Variants in TNFRSF10A observed in about 807,000 individuals in gnomAD.
TNFRSF10A encodes TNF receptor superfamily member 10a, also known as tumor necrosis factor receptor superfamily member 10A.
Under a neutral mutation model 42.8 loss-of-function variants are expected in TNFRSF10A, and 44 were observed. The observed-to-expected ratio is 1.03, with a 90% confidence interval of 0.81 to 1.32. TNFRSF10A has a LOEUF of 1.32. Ranked by LOEUF, TNFRSF10A falls within the 40% of genes most tolerant of loss-of-function variation. TNFRSF10A has a pLI of 0.00. For missense variants in TNFRSF10A, 680 were observed against 602.0 expected, an observed-to-expected ratio of 1.13 and a Z score of -1.36; for synonymous variants, 259 against 234.2, an observed-to-expected ratio of 1.11 and a Z score of -0.97.
chr8:23,210,337 G>A (rs1017213722), intron 2 of TNFRSF10A, among the ~76,000 whole-genome samples: 1 of 152,052 alleles, frequency 6.6e-6, no homozygotes, highest in Non-Finnish European at 1.5e-5. Flanking sequence ...TATGAATATT[G>A]TTGCAAAAAT....
chr8:23,199,881 C>T lies in TNFRSF10A; in HGVS notation c.831+5G>A. ...TGCCCCCAGCTCCTGGAGAAATCAA[C>T]TCACCCTGTCCATGCACTTGGGGTC... is the stretch of plus-strand genomic sequence containing the variant. On this transcript the variant is annotated splice_donor_5th_base_variant and intron_variant, in intron 7 of 9. Transcript: ENST00000221132. The T allele has an allele frequency of 6.2e-7, 1 of 1,614,180 alleles. No individual in the cohort carries two copies. The highest frequency in any genetic ancestry group is 8.5e-7 in the Non-Finnish European group (1 of 1,180,016).
intron 2 of TNFRSF10A, among the ~76,000 whole-genome samples, chr8:23,210,987 A>G (rs1479043641): frequency 1.3e-5 from 2 of 152,220 alleles, no homozygotes; most frequent in Non-Finnish European, 2.9e-5. Flanking sequence ...AACAACTGAA[A>G]GATGTTCTCC....
At position 23,224,900 on chromosome 8, in the gene TNFRSF10A, C is replaced by A; in HGVS notation, c.162G>T (p.Ala54=). 6.3e-7 allele frequency: 1 copy of A among 1,593,528 alleles called. No individual in the cohort carries two copies. The highest frequency in any genetic ancestry group is 1.3e-5 in the African/African-American group (1 of 74,520). Residue 54 remains alanine (A), a synonymous_variant, in exon 1 of 10, where the codon GCG becomes GCT. Transcript: ENST00000221132. ...RIEPRGGGRG[A]LPTSMGQHGP... ...CGTGCTGTCCCATGGAGGTAGGGAG[C>A]GCTCCTCGGCCCCCGCCTCGTGGTT...
At chr8:23,195,091 G>A (rs1284595338) in intron 9 of TNFRSF10A, among the ~76,000 whole-genome samples, 2 of 152,208 alleles carry the variant, frequency 1.3e-5, no homozygotes. Context: ...CCCAGGAGGT[G>A]GAGGTTGCAG....
At chr8:23,216,027 C>T (rs7821298) in intron 1 of TNFRSF10A, among the ~76,000 whole-genome samples, 37,094 of 151,710 alleles carry the variant, frequency 0.24, 5,020 homozygotes, top group East Asian at 0.64. Flanking sequence ...CATGTTGGTC[C>T]GGCTGGTCTC....
At position 23,191,839 on chromosome 8, in the gene TNFRSF10A, C is replaced by T. The variant is rs769671166; in HGVS notation, c.1262G>A (p.Arg421Gln). The change falls in exon 10 of 10, where the codon CGG becomes CAG. Residue 421 changes from arginine to glutamine, a missense_variant. By Grantham distance (43) the Arg-to-Gln change is conservative. Coordinates refer to ENST00000221132, the MANE Select transcript of TNFRSF10A (RefSeq NM_003844.4). ...MLMKWVNKTG[R>Q]NASIHTLLDA... The stretch of plus-strand genomic sequence containing the variant: ...CAGCAGGGTGTGGATCGAGGCGTTC[C>T]GTCCAGTTTTGTTGACCCATTTCAT... 42 of 1,568,676 alleles carry T rather than the reference C, an allele frequency of 2.7e-5. No individual in the cohort carries two copies. The highest frequency in any genetic ancestry group is 1.8e-4 in the African/African-American group (12 of 66,276).
At chr8:23,223,961 A>C (rs1313046799) in intron 1 of TNFRSF10A, among the ~76,000 whole-genome samples, 2 of 152,330 alleles carry the variant, frequency 1.3e-5, no homozygotes, top group African/African-American at 4.8e-5. Flanking sequence ...CTCGAAACGG[A>C]AGACAACGAG....
rs1278850778 is a variant in TNFRSF10A at position 23,191,992 on chromosome 8, T to G, written c.1109A>C (p.Lys370Thr). The G allele has an allele frequency of 1.2e-6, 2 of 1,613,872 alleles. No individual in the cohort carries two copies. Among genetic ancestry groups the G allele is most frequent in the Non-Finnish European group, 1.7e-6 (2 of 1,179,992 alleles). ...PTETLMLFFDKFANIVPFDSW... is the reference protein window; with the variant it reads ...PTETLMLFFDTFANIVPFDSW... ...GTCAAAGGGCACGATGTTTGCAAAC[T>G]TGTCAAAGAACAGCATCAGAGCTGG... Residue 370 changes from lysine (K) to threonine (T), a missense_variant, in exon 10 of 10, where the codon AAG becomes ACG. Lys to Thr is a moderately conservative substitution (Grantham distance 78). Transcript: ENST00000221132.
intron 1 of TNFRSF10A, among the ~76,000 whole-genome samples, chr8:23,213,175 G>T (rs1180956881): frequency 1.3e-5 from 2 of 152,034 alleles, no homozygotes; most frequent in Non-Finnish European, 2.9e-5. Context: ...CTAGTTTGTT[G>T]ACATGCAATT....
chr8:23,202,786 G>A (rs773122300), intron 2 of TNFRSF10A, 25 bp from the exon 3 acceptor site: 74 of 1,534,780 alleles, frequency 4.8e-5, no homozygotes, highest in Non-Finnish European at 6.1e-5. Context: ...AAAAGCCAAT[G>A]AATGAATTGC....
At chr8:23,221,762 AAT>A (rs1563387946) in intron 1 of TNFRSF10A, among the ~76,000 whole-genome samples, 2 of 152,172 alleles carry the variant, frequency 1.3e-5, no homozygotes, top group African/African-American at 4.8e-5. Flanking sequence ...GAAAATCTCT[AAT>A]AACACTGAAA....
intron 1 of TNFRSF10A, among the ~76,000 whole-genome samples, chr8:23,221,728 GTC>G (rs1801259193): frequency 6.6e-6 from 1 of 152,128 alleles, no homozygotes; most frequent in Non-Finnish European, 1.5e-5. Flanking sequence ...TCTACTCCCA[GTC>G]TCAAAAAATT....
chr8:23,200,365 T>TG, intron 6 of TNFRSF10A, 140 bp downstream of exon 6: 1 of 900,130 alleles, frequency 1.1e-6, no homozygotes, highest in Non-Finnish European at 1.8e-6. Flanking sequence ...GATGGGAGGA[T>TG]GGGGGGTGAT....
intron 2 of TNFRSF10A, among the ~76,000 whole-genome samples, chr8:23,205,555 T>C (rs1158875948): frequency 6.6e-6 from 1 of 152,110 alleles, no homozygotes; most frequent in Non-Finnish European, 1.5e-5. Flanking sequence ...CTCATGCAGT[T>C]TTCCAGAAGA....
At chr8:23,202,438 T>C (rs543765168) in intron 3 of TNFRSF10A, among the ~76,000 whole-genome samples, 5 of 152,316 alleles carry the variant, frequency 3.3e-5, no homozygotes, top group African/African-American at 9.6e-5. Flanking sequence ...CCCTACCCTC[T>C]TGGAGCTGAT....
rs751666555 is a variant in TNFRSF10A, at chr8:23,191,790, C to G, written c.1311G>C (p.Glu437Asp). The G allele has an allele frequency of 1.5e-5, 24 of 1,614,040 alleles. No individual in the cohort carries two copies. In the South Asian group the frequency reaches 2.4e-4, roughly 16 times the overall value. The change falls in exon 10 of 10, where the codon GAG becomes GAC. Residue 437 changes from glutamate to aspartate, a missense_variant. Glu to Asp is a conservative substitution (Grantham distance 45, BLOSUM62 2). Transcript: ENST00000221132. ...TLLDALERME[E>D]RHAREKIQDL... ...CCTGAATCTTCTCTCTTGCATGTCT[C>G]TCTTCCATCCTCTCCAAGGCATCCA...
chr8:23,196,625 A>G (rs1800827793), intron 9 of TNFRSF10A, among the ~76,000 whole-genome samples: 1 of 152,212 alleles, frequency 6.6e-6, no homozygotes, highest in Admixed American at 6.5e-5. Flanking sequence ...TGTCAATACT[A>G]ATTGTCTCAG....
chr8:23,217,278 C>G (rs1293400080), intron 1 of TNFRSF10A, among the ~76,000 whole-genome samples: 2 of 151,962 alleles, frequency 1.3e-5, no homozygotes, highest in African/African-American at 2.4e-5. Context: ...TGCAGTGGCA[C>G]AATCTCTGCT....
chr8:23,224,407 G>A (rs1801303473), intron 1 of TNFRSF10A: 1 of 256,540 alleles, frequency 3.9e-6, no homozygotes, highest in Admixed American at 5.2e-5. Flanking sequence ...TGGTGTGGCT[G>A]GGAGTTGGCT....
Sources: allele counts gnomAD v4.1 joint callset (sites outside exome capture counted in the v4.1 genomes callset), GRCh38; gene constraint gnomAD v4.1.1; transcripts MANE v1.5; gene names NCBI Gene and HGNC (gene_info 2026-07-23, HGNC 2026-07-21).